CELF4: variants seen among roughly 807,000 people sequenced by gnomAD.
CELF4 encodes the protein CUGBP Elav-like family member 4.
CELF4 carries 18 observed loss-of-function variants against 59.9 expected under a neutral mutation model. That is an observed-to-expected ratio of 0.30 (90% CI 0.21 to 0.45). CELF4 has a LOEUF of 0.45. Among genes scored for constraint, CELF4 ranks in the 20% least tolerant of loss-of-function variants. CELF4 has a pLI of 1.00. For missense variants in CELF4, 456 were observed against 689.0 expected (o/e 0.66, Z 3.79); for synonymous variants, 261 against 267.1 (o/e 0.98, Z 0.22).
chr18:37,484,258 A>G (rs973844548), intron 2 of CELF4, among the ~76,000 whole-genome samples: 2 of 152,338 alleles, frequency 1.3e-5, no homozygotes, highest in South Asian at 4.1e-4. Flanking sequence ...TGATTATCCT[A>G]CAATATGGCT....
At chr18:37,260,978 C>T (rs904894662) in intron 10 of CELF4, among the ~76,000 whole-genome samples, 1 of 152,086 alleles carries the variant, frequency 6.6e-6, no homozygotes, top group Admixed American at 6.5e-5. Context: ...TCTGGTGGCC[C>T]TCCCCTCACC....
intron 2 of CELF4, among the ~76,000 whole-genome samples, chr18:37,404,017 C>T (rs1351976919): frequency 6.6e-6 from 1 of 152,234 alleles, no homozygotes; most frequent in Non-Finnish European, 1.5e-5. Flanking sequence ...GGGTGCTTTA[C>T]AGTCAGCATC....
chr18:37,459,184 T>G (rs2099786897), intron 2 of CELF4, among the ~76,000 whole-genome samples: 1 of 152,162 alleles, frequency 6.6e-6, no homozygotes, highest in Non-Finnish European at 1.5e-5. Context: ...ACCACAGGGT[T>G]TTAAAGTGTT....
intron 11 of CELF4, among the ~76,000 whole-genome samples, chr18:37,256,646 T>A (rs1222062974): frequency 6.6e-6 from 1 of 152,164 alleles, no homozygotes. Context: ...AGTGCAGTGG[T>A]GTGATCTCGG....
Position 37,336,196 on chromosome 18 carries a change from C to T in CELF4, c.370-14315G>A, listed in dbSNP as rs369460189. Among the ~76,000 whole-genome samples, 130 of 152,334 alleles carry T rather than the reference C, an allele frequency of 8.5e-4. No individual in the cohort carries two copies. The East Asian group carries it at 0.02, about 23-fold the overall frequency. ...GCTCACAGCCAGAATGCGCCCCTCA[C>T]GGCTGTGGTGGCTGCCAGTCTCCTC... On this transcript the variant is annotated intron_variant, in intron 2 of 12. Transcript: ENST00000420428.
At chr18:37,352,335 C>T (rs1445792873) in intron 2 of CELF4, among the ~76,000 whole-genome samples, 2 of 152,310 alleles carry the variant, frequency 1.3e-5, no homozygotes, top group East Asian at 1.9e-4. Context: ...GTTACCTCCT[C>T]CCCAGCCTGC....
chr18:37,371,238 T>C (rs1034231472), intron 2 of CELF4, among the ~76,000 whole-genome samples: 1 of 152,202 alleles, frequency 6.6e-6, no homozygotes, highest in Non-Finnish European at 1.5e-5. Context: ...GAAGATTCAG[T>C]CAATCTAACC....
Position 37,243,125 on chromosome 18 carries a change from T to C in CELF4, c.*2117A>G, listed in dbSNP as rs2060796546. The C allele has an allele frequency of 6.6e-5, 10 of 151,576 alleles. No homozygotes were observed. The highest frequency in any genetic ancestry group is 6.6e-4 in the Admixed American group (10 of 15,214). 9.4% of individuals were successfully genotyped at this position (151,576 alleles called of 1,614,324 possible). A position where few individuals can be genotyped will look rare whatever the true frequency, so the allele number is the denominator to read the frequency against. ...GAAGGTTACAAGGAGTTTTAGGGAG[T>C]TGAGTGTGAAAAGAGCAGTTGTACT... On this transcript the variant is annotated 3_prime_UTR_variant, in exon 13 of 13. Transcript: ENST00000420428.
intron 1 of CELF4, among the ~76,000 whole-genome samples, chr18:37,506,063 C>A (rs867074030): frequency 6.6e-6 from 1 of 151,466 alleles, no homozygotes; most frequent in Admixed American, 6.6e-5. Context: ...TTTCTCCCCC[C>A]TCCCCTCCCA....
Position 37,270,907 on chromosome 18 carries a change from G to A in CELF4, c.960C>T (p.Thr320=). ...APMTPTSGGS[T]PPGITAPAVP... The stretch of plus-strand genomic sequence containing the variant: ...CGGCTGGTGCAGTGATGCCCGGAGG[G>A]GTGCTGCCACCTGGTTCCAGGCATA... The change falls in exon 8 of 13, where the codon ACC becomes ACT. Residue 320 remains threonine (T), a synonymous_variant. Transcript: ENST00000420428. The A allele has an allele frequency of 6.2e-7, 1 of 1,607,978 alleles. No individual in the cohort carries two copies. Among genetic ancestry groups the A allele is most frequent in the Non-Finnish European group, 8.5e-7 (1 of 1,176,984 alleles).
At chr18:37,551,597 G>C (rs575778020) in intron 1 of CELF4, among the ~76,000 whole-genome samples, 1 of 152,330 alleles carries the variant, frequency 6.6e-6, no homozygotes, top group African/African-American at 2.4e-5. Flanking sequence ...GAAGATTCCA[G>C]CCCCTGGAAT....
chr18:37,270,902 G>T lies in CELF4; in HGVS notation c.965C>A (p.Pro322Gln), dbSNP rs146914787. 6.2e-7 allele frequency: 1 copy of T among 1,608,926 alleles called. No individual in the cohort carries two copies. The highest frequency in any genetic ancestry group is 8.5e-7 in the Non-Finnish European group (1 of 1,177,518). Reference sequence around the variant, plus strand: ...AGGCACGGCTGGTGCAGTGATGCCCGGAGGGGTGCTGCCACCTGGTTCCAG... The same window carrying T: ...AGGCACGGCTGGTGCAGTGATGCCCTGAGGGGTGCTGCCACCTGGTTCCAG... ...MTPTSGGSTP[P>Q]GITAPAVPSI... Residue 322 changes from proline to glutamine, a missense_variant, in exon 8 of 13, where the codon CCG (proline) becomes CAG (glutamine). Around this residue, in one of 7 missense-constraint regions of CELF4, gnomAD observed 256 missense variants for 340.8 expected, o/e 0.75. Transcript: ENST00000420428.
At chr18:37,414,469 T>C (rs1490663014) in intron 2 of CELF4, among the ~76,000 whole-genome samples, 2 of 150,736 alleles carry the variant, frequency 1.3e-5, no homozygotes, top group Non-Finnish European at 2.9e-5. Flanking sequence ...TATCTATCCA[T>C]CTACCCATCT....
At chr18:37,250,892 ATAG>A (rs1474587242) in intron 12 of CELF4, among the ~76,000 whole-genome samples, 2 of 152,228 alleles carry the variant, frequency 1.3e-5, no homozygotes, top group East Asian at 3.9e-4. Context: ...GTTATGTGAC[ATAG>A]TAGTTTTTTA....
chr18:37,462,514 G>T (rs1008550966), intron 2 of CELF4, among the ~76,000 whole-genome samples: 1 of 152,250 alleles, frequency 6.6e-6, no homozygotes, highest in Non-Finnish European at 1.5e-5. Flanking sequence ...AGCTAGGCAG[G>T]CTCCTAGCCA....
intron 2 of CELF4, among the ~76,000 whole-genome samples, chr18:37,330,704 C>G (rs1366385096): frequency 6.6e-6 from 1 of 152,172 alleles, no homozygotes; most frequent in East Asian, 1.9e-4. Context: ...ACTGAATCCT[C>G]CATCACACCC....
intron 2 of CELF4, among the ~76,000 whole-genome samples, chr18:37,353,170 G>A (rs965439877): frequency 3.5e-5 from 5 of 144,720 alleles, no homozygotes; most frequent in African/African-American, 7.6e-5. Flanking sequence ...GCAGTGAGCC[G>A]AGATTGCGCC....
At chr18:37,512,086 C>T (rs2099945011) in intron 1 of CELF4, among the ~76,000 whole-genome samples, 1 of 152,200 alleles carries the variant, frequency 6.6e-6, no homozygotes, top group South Asian at 2.1e-4. Flanking sequence ...CAGTCTGGGG[C>T]CCAGTGCTCT....
chr18:37,388,862 C>A (rs1236438246), intron 2 of CELF4, among the ~76,000 whole-genome samples: 3 of 152,130 alleles, frequency 2.0e-5, no homozygotes, highest in Non-Finnish European at 1.5e-5. Context: ...TCCAGGAGAC[C>A]TTTTGCAGTG....
Sources: gnomAD v4.1 joint callset for allele counts (sites outside exome capture counted in the v4.1 genomes callset) on GRCh38, gnomAD v4.1.1 for gene constraint, gnomAD v4.1.1 regional missense constraint, MANE v1.5 for transcripts, NCBI Gene and HGNC (gene_info 2026-07-23, HGNC 2026-07-21) for gene names.